Variants in ITGB5 observed in about 807,000 individuals in gnomAD.
ITGB5 encodes integrin beta-5.
A neutral mutation model predicts 84.8 loss-of-function variants in ITGB5; 38 were observed. The ratio of observed to expected loss-of-function variants is 0.45; its 90% CI spans 0.35 to 0.59. ITGB5 has a LOEUF of 0.59. Ranked by LOEUF, ITGB5 falls within the 20% of genes least tolerant of loss-of-function variation. The pLI is 0.01. For synonymous variants in ITGB5, 393 were observed against 414.4 expected (o/e 0.95, Z 0.63); for missense variants, 905 against 1,034.5 (o/e 0.87, Z 1.72).
chr3:124,880,771 T>C (rs1334168081), intron 1 of ITGB5, among the ~76,000 whole-genome samples: 1 of 151,344 alleles, frequency 6.6e-6, no homozygotes, highest in Non-Finnish European at 1.5e-5. Flanking sequence ...TTACTAAAAA[T>C]ACAAAAAATT....
intron 3 of ITGB5, among the ~76,000 whole-genome samples, chr3:124,850,949 G>A (rs1403854885): frequency 6.6e-6 from 1 of 152,234 alleles, no homozygotes; most frequent in African/African-American, 2.4e-5. Flanking sequence ...CAAATGGACA[G>A]AGCCTGCAAT....
intron 5 of ITGB5, among the ~76,000 whole-genome samples, chr3:124,833,623 G>A (rs1420041459): frequency 6.6e-6 from 1 of 152,174 alleles, no homozygotes; most frequent in Non-Finnish European, 1.5e-5. Context: ...AAATTCCATG[G>A]AGGCAGCCTG....
intron 3 of ITGB5, among the ~76,000 whole-genome samples, chr3:124,853,479 C>A (rs2065184084): frequency 6.6e-6 from 1 of 152,212 alleles, no homozygotes; most frequent in Non-Finnish European, 1.5e-5. Context: ...CAGTTGTCCT[C>A]CACAGTGTCT....
chr3:124,825,297 T>C lies in ITGB5; in HGVS notation c.781-3823A>G, dbSNP rs184685077. Among the ~76,000 whole-genome samples, 4 of 152,304 alleles carry C rather than the reference T, an allele frequency of 2.6e-5. No homozygotes were observed. The East Asian group carries it at 7.7e-4, about 29-fold the overall frequency. ...TCTGGAAAACAGTTTGACAGATTCTTACAAAGTTACATATACACTTACTAT... is the reference window on the plus strand; with the variant it reads ...TCTGGAAAACAGTTTGACAGATTCTCACAAAGTTACATATACACTTACTAT... On this transcript the variant is annotated intron_variant, in intron 5 of 14. Coordinates refer to ENST00000296181, the MANE Select transcript of ITGB5 (RefSeq NM_002213.5).
intron 10 of ITGB5, among the ~76,000 whole-genome samples, chr3:124,774,838 C>T (rs1040825757): frequency 1.3e-5 from 2 of 152,190 alleles, no homozygotes; most frequent in African/African-American, 4.8e-5. Context: ...TATATGAGCA[C>T]CTTACACGTA....
chr3:124,806,144 T>C (rs1260194813), intron 9 of ITGB5, among the ~76,000 whole-genome samples: 1 of 152,228 alleles, frequency 6.6e-6, no homozygotes, highest in Non-Finnish European at 1.5e-5. Flanking sequence ...ACTGTGCTGT[T>C]GTCAACCCAT....
chr3:124,785,709 C>T (rs986771790), intron 10 of ITGB5, among the ~76,000 whole-genome samples: 5 of 152,098 alleles, frequency 3.3e-5, no homozygotes, highest in East Asian at 3.8e-4. Flanking sequence ...ATTATAGTCA[C>T]GAAACGATGA....
chr3:124,868,632 A>AC (rs2065429942), intron 2 of ITGB5, among the ~76,000 whole-genome samples: 1 of 151,026 alleles, frequency 6.6e-6, no homozygotes, highest in Non-Finnish European at 1.5e-5. Flanking sequence ...AAAAAAAAAA[A>AC]AAAAAAAAAA....
chr3:124,881,279 T>C (rs1934554470), intron 1 of ITGB5, among the ~76,000 whole-genome samples: 1 of 152,292 alleles, frequency 6.6e-6, no homozygotes, highest in East Asian at 1.9e-4. Flanking sequence ...CCACCCTGCC[T>C]GGCCAAATCT....
chr3:124,867,854 G>A (rs1306356037), intron 2 of ITGB5, among the ~76,000 whole-genome samples: 9 of 152,196 alleles, frequency 5.9e-5, no homozygotes, highest in Non-Finnish European at 1.2e-4. Context: ...AAACTGCTGG[G>A]ATTTGTTGTG....
intron 8 of ITGB5, among the ~76,000 whole-genome samples, chr3:124,815,732 C>T (rs2064579831): frequency 6.6e-6 from 1 of 152,184 alleles, no homozygotes; most frequent in South Asian, 2.1e-4. Flanking sequence ...CATTCACAGG[C>T]CTGCCCCTCC....
At chr3:124,787,387 T>C (rs1193895054) in intron 10 of ITGB5, 1 of 151,960 alleles carries the variant, frequency 6.6e-6, no homozygotes, top group East Asian at 1.9e-4. Flanking sequence ...CAACACTCTG[T>C]TTTTTGTCTT....
chr3:124,764,810 C>T (rs2063744178), intron 13 of ITGB5, among the ~76,000 whole-genome samples: 1 of 152,248 alleles, frequency 6.6e-6, no homozygotes, highest in Admixed American at 6.5e-5. Flanking sequence ...TGCCTTTCCC[C>T]TCATGGGCAG....
At chr3:124,806,601 T>G (rs2064408583) in intron 9 of ITGB5, among the ~76,000 whole-genome samples, 1 of 150,840 alleles carries the variant, frequency 6.6e-6, no homozygotes, top group Non-Finnish European at 1.5e-5. Context: ...TCCCAGCTAA[T>G]TTTTTTTTGT....
chr3:124,826,336 A>C (rs538872744), intron 5 of ITGB5, among the ~76,000 whole-genome samples: 1 of 152,166 alleles, frequency 6.6e-6, no homozygotes, highest in Admixed American at 6.5e-5. Context: ...AAGAAGACAG[A>C]ACAATGTGGA....
In ITGB5 at chr3:124,841,708, TA is replaced by T. The variant is rs2065014500; in HGVS notation, c.612-158del. Among the ~76,000 whole-genome samples, 4 of 152,312 alleles carry T rather than the reference TA, an allele frequency of 2.6e-5. No homozygotes were observed. The South Asian group carries it at 8.3e-4, about 32-fold the overall frequency. On this transcript the variant is annotated intron_variant, in intron 4 of 14. Transcript: ENST00000296181. Reference sequence around the variant, plus strand: ...ACAGGCACAGCAGAGAGAGCAAAGATAAATAACATAGTTCCTGTTCTCCAAA... The same window carrying T: ...ACAGGCACAGCAGAGAGAGCAAAGATAATAACATAGTTCCTGTTCTCCAAA...
chr3:124,865,734 C>T (rs890028665), intron 2 of ITGB5, among the ~76,000 whole-genome samples: 2 of 152,076 alleles, frequency 1.3e-5, no homozygotes, highest in Admixed American at 6.5e-5. Context: ...GCAATCCTCT[C>T]GCCTCAGCCT....
At chr3:124,836,405 C>T (rs1426210925) in intron 5 of ITGB5, among the ~76,000 whole-genome samples, 2 of 150,806 alleles carry the variant, frequency 1.3e-5, no homozygotes, top group East Asian at 3.9e-4. Flanking sequence ...ATGATAACAC[C>T]ACAGCACTCC....
intron 1 of ITGB5, among the ~76,000 whole-genome samples, chr3:124,874,306 G>GAAAAAATAAAAAAAAAAAAGA (rs1934200110): frequency 8.8e-6 from 1 of 113,392 alleles, no homozygotes. Flanking sequence ...TCAAAAGCCG[G>GAAAAAATAAAAAAAAAAAAGA]AAAAAAAAAA....
Sources: allele counts gnomAD v4.1 joint callset (sites outside exome capture counted in the v4.1 genomes callset), GRCh38; gene constraint gnomAD v4.1.1; transcripts MANE v1.5; gene names NCBI Gene and HGNC (gene_info 2026-07-23, HGNC 2026-07-21).